Variants in NDST1 observed in about 807,000 individuals in gnomAD.
NDST1 encodes bifunctional heparan sulfate N-deacetylase/N-sulfotransferase 1.
In NDST1, 35 loss-of-function variants were observed where a neutral mutation model predicts 92.8. The ratio of observed to expected loss-of-function variants is 0.38; its 90% CI spans 0.29 to 0.50. The LOEUF (loss-of-function observed/expected upper bound fraction) is 0.50. Ranked by LOEUF, NDST1 falls within the 20% of genes least tolerant of loss-of-function variation. The pLI, the probability that NDST1 is intolerant of heterozygous loss-of-function variation, is 0.94. For synonymous variants in NDST1, 493 were observed against 500.3 expected (o/e 0.99, Z 0.19); for missense variants, 822 against 1,182.7 (o/e 0.69, Z 4.47).
chr5:150,548,430 T>C, intron 12 of NDST1, 42 bp downstream of exon 12: 1 of 1,598,190 alleles, frequency 6.3e-7, no homozygotes. Context: ...GTCACAGTAC[T>C]GGCTTGCTGT....
chr5:150,534,757 AG>A, intron 4 of NDST1, 109 bp from the exon 5 acceptor site: 1 of 1,346,946 alleles, frequency 7.4e-7, no homozygotes, highest in Non-Finnish European at 1.1e-6. Flanking sequence ...TAACTCTTCC[AG>A]GCAGCTCCTG....
chr5:150,526,306 C>G (rs1754474804), intron 2 of NDST1, among the ~76,000 whole-genome samples: 1 of 152,200 alleles, frequency 6.6e-6, no homozygotes, highest in African/African-American at 2.4e-5. Context: ...GTGAATGTCT[C>G]TCTTCCCTCC....
chr5:150,516,687 A>G lies in NDST1; in HGVS notation c.-387-4181A>G, dbSNP rs1020541968. Reference sequence around the variant, plus strand: ...TTATTATGATATATATTTTTTTGAGACAGAGTCTCGCTCTATTGCCCAGGC... The same window carrying G: ...TTATTATGATATATATTTTTTTGAGGCAGAGTCTCGCTCTATTGCCCAGGC... On this transcript the variant is annotated intron_variant, in intron 1 of 14. Coordinates refer to ENST00000261797, the MANE Select transcript of NDST1 (RefSeq NM_001543.5). Among the ~76,000 whole-genome samples the G allele has an allele frequency of 3.3e-5, 5 of 152,130 alleles. No homozygotes were observed. The East Asian group carries it at 5.8e-4, about 18-fold the overall frequency.
At chr5:150,519,900 T>C (rs1334325956) in intron 1 of NDST1, among the ~76,000 whole-genome samples, 1 of 151,722 alleles carries the variant, frequency 6.6e-6, no homozygotes, top group African/African-American at 2.4e-5. Flanking sequence ...GTGCAGGCGG[T>C]GCGGGGGGTT....
At chr5:150,535,246 G>A (rs919408517) in intron 5 of NDST1, 1 of 938,058 alleles carries the variant, frequency 1.1e-6, no homozygotes. Context: ...GGTCACACCA[G>A]CTACTAAGAG....
Position 150,540,132 on chromosome 5 carries a change from C to T in NDST1, c.1617C>T (p.Gly539=). ...HLSNYGNDRL[G]LYTFKHLVRF... ...CCAACTATGGGAATGACCGCCTGGG[C>T]CTGTACACCTTCAAGCACCTGGTGC... The change falls in exon 8 of 15, where the codon GGC becomes GGT. Residue 539 remains glycine (G), a synonymous_variant. Transcript: ENST00000261797. The T allele has an allele frequency of 6.2e-7, 1 of 1,614,206 alleles. No individual in the cohort carries two copies. The highest frequency in any genetic ancestry group is 8.5e-7 in the Non-Finnish European group (1 of 1,180,038).
rs1224183372 is a variant in NDST1, at chr5:150,528,175, G to A, written c.885G>A (p.Val295=). ...TCTGGCTGCACAAGCTTGTCTTCGT[G>A]GATGCCGTGGCCTTCCTCACGGGGA... ...LNFWLHKLVF[V]DAVAFLTGKR... Residue 295 remains valine (V), a synonymous_variant, in exon 3 of 15, where the codon GTG becomes GTA. Coordinates refer to ENST00000261797, the MANE Select transcript of NDST1 (RefSeq NM_001543.5). 6.2e-7 allele frequency: 1 copy of A among 1,614,274 alleles called. No homozygotes were observed. Among genetic ancestry groups the A allele is most frequent in the East Asian group, 2.2e-5 (1 of 44,890 alleles).
chr5:150,530,193 C>T (rs1754659031), intron 3 of NDST1, among the ~76,000 whole-genome samples: 1 of 152,188 alleles, frequency 6.6e-6, no homozygotes, highest in South Asian at 2.1e-4. Flanking sequence ...CCTCCAGGCT[C>T]CACCTTAGTT....
chr5:150,517,851 C>G (rs1341195747), intron 1 of NDST1, among the ~76,000 whole-genome samples: 1 of 152,250 alleles, frequency 6.6e-6, no homozygotes, highest in South Asian at 2.1e-4. Flanking sequence ...GGTGGCTGCT[C>G]TCCTCCGCTT....
At position 150,527,875 on chromosome 5, in the gene NDST1, G is replaced by C. The variant is rs372639097; in HGVS notation, c.585G>C (p.Leu195=). 3.7e-6 allele frequency: 6 copies of C among 1,614,160 alleles called. No homozygotes were observed. The highest frequency in any genetic ancestry group is 5.1e-6 in the Non-Finnish European group (6 of 1,180,000). ...FPLFLHSNLG[L]KDCSINPKSP... ...TGTTCCTGCACTCAAACCTGGGCCT[G>C]AAGGACTGCAGCATCAACCCCAAGT... The change falls in exon 3 of 15, where the codon CTG becomes CTC. Residue 195 remains leucine (L), a synonymous_variant. Transcript: ENST00000261797.
In NDST1 at chr5:150,554,608, G is replaced by C. The variant is rs1417923933; in HGVS notation, c.*1276G>C. The C allele has an allele frequency of 1.3e-5, 2 of 152,662 alleles. No homozygotes were observed. Among genetic ancestry groups the C allele is most frequent in the Non-Finnish European group, 2.9e-5 (2 of 68,096 alleles). The allele number at this position is 152,662 out of a possible 1,614,324, so 9.5% of individuals were successfully genotyped here. ...GTGGTGAGATGCGCAGGGAAGACCA[G>C]CTCTCTCCAGGACATCGGGCTGCGT... On this transcript the variant is annotated 3_prime_UTR_variant, in exon 15 of 15. Coordinates refer to ENST00000261797, the MANE Select transcript of NDST1 (RefSeq NM_001543.5).
At chr5:150,540,049 G>A in intron 7 of NDST1, 33 bp from the exon 8 acceptor site, 4 of 1,613,364 alleles carry the variant, frequency 2.5e-6, no homozygotes, top group Non-Finnish European at 3.4e-6. Context: ...ACACTGATGG[G>A]CCCTGCCTCT....
intron 1 of NDST1, among the ~76,000 whole-genome samples, chr5:150,519,466 G>A (rs1284015418): frequency 6.6e-6 from 1 of 152,106 alleles, no homozygotes; most frequent in Non-Finnish European, 1.5e-5. Flanking sequence ...CCAGCACTTT[G>A]GGAGGCCAAG....
intron 3 of NDST1, among the ~76,000 whole-genome samples, chr5:150,530,819 C>T (rs1317063351): frequency 6.6e-6 from 1 of 152,128 alleles, no homozygotes; most frequent in Non-Finnish European, 1.5e-5. Context: ...CTTGGCCTCC[C>T]AAAGTGCTGG....
At chr5:150,503,899 G>A (rs1264115244), upstream of NDST1, among the ~76,000 whole-genome samples, 4 of 152,128 alleles carry the variant, frequency 2.6e-5, no homozygotes, top group Non-Finnish European at 4.4e-5. Context: ...GGGCTTTGGG[G>A]GTGTGTGACA....
chr5:150,545,352 G>T lies in NDST1; in HGVS notation c.2011G>T (p.Asp671Tyr), dbSNP rs1011218498. Reference sequence around the variant, plus strand: ...CCCCATCCCTTCCAACACCACCTCCGACTTCTACTTTGAGAAAAGCGCCAA... The same window carrying T: ...CCCCATCCCTTCCAACACCACCTCCTACTTCTACTTTGAGAAAAGCGCCAA... ...FFPIPSNTTS[D>Y]FYFEKSANYF... Residue 671 changes from aspartate (D) to tyrosine (Y), a missense_variant, in exon 11 of 15, where the codon GAC becomes TAC. By Grantham distance (160) the Asp-to-Tyr change is radical. Coordinates refer to ENST00000261797, the MANE Select transcript of NDST1 (RefSeq NM_001543.5). The T allele has an allele frequency of 6.2e-7, 1 of 1,614,180 alleles. No homozygotes were observed. The highest frequency in any genetic ancestry group is 1.1e-5 in the South Asian group (1 of 91,088).
At position 150,555,148 on chromosome 5, in the gene NDST1, C is replaced by T. The variant is rs2151308854; in HGVS notation, c.*1816C>T. On this transcript the variant is annotated 3_prime_UTR_variant, in exon 15 of 15. Transcript: ENST00000261797. ...CCATCGTGCTCCTCTTCCAATGCCA[C>T]ACTGCCTCTGAGCCCATCCTTGGGA... 6.5e-6 allele frequency: 1 copy of T among 152,966 alleles called. No homozygotes were observed. Among genetic ancestry groups the T allele is most frequent in the South Asian group, 2.1e-4 (1 of 4,830 alleles). The allele number at this position is 152,966 out of a possible 1,614,324, so 9.5% of individuals were successfully genotyped here.
chr5:150,535,020 T>A lies in NDST1; in HGVS notation c.1250T>A (p.Val417Asp), dbSNP rs765016122. ...ATGGCCTTGAACAAGAAGTTCGCTG[T>A]CGTGAGTAAGATTCCTTGCAGGGCA... Reference protein sequence around the residue: ...EQMALNKKFAVEHGIPTDMGY... With the variant: ...EQMALNKKFADEHGIPTDMGY... Residue 417 changes from valine (V) to aspartate (D), a missense_variant and splice_region_variant, in exon 5 of 15, where the codon GTC becomes GAC. Physicochemically the swap from Val to Asp is radical, Grantham distance 152. Transcript: ENST00000261797. The A allele has an allele frequency of 1.5e-5, 25 of 1,613,726 alleles. No individual in the cohort carries two copies. The highest frequency in any genetic ancestry group is 2.7e-5 in the African/African-American group (2 of 74,942).
chr5:150,529,130 G>A (rs188469339), intron 3 of NDST1, among the ~76,000 whole-genome samples: 37 of 152,198 alleles, frequency 2.4e-4, no homozygotes, highest in African/African-American at 8.7e-4. Context: ...GGTGGCTTGT[G>A]CTTGTAATCC....
Sources: gnomAD v4.1 joint callset for allele counts (sites outside exome capture counted in the v4.1 genomes callset) on GRCh38, gnomAD v4.1.1 for gene constraint, MANE v1.5 for transcripts, NCBI Gene and HGNC (gene_info 2026-07-23, HGNC 2026-07-21) for gene names.